The following FER1L5 variants were observed in gnomAD, a reference collection of about 807,000 sequenced individuals.
The protein encoded by FER1L5 is fer-1 like family member 5, also known as fer-1-like protein 5.
A neutral mutation model predicts 279.9 loss-of-function variants in FER1L5; 187 were observed. The ratio of observed to expected loss-of-function variants is 0.67; its 90% confidence interval spans 0.59 to 0.75. The LOEUF is 0.75. Among genes scored for constraint, FER1L5 ranks in the 30% least tolerant of loss-of-function variants. The pLI is 0.00. For synonymous variants in FER1L5, 921 were observed against 989.7 expected, an observed-to-expected ratio of 0.93 and a Z score of 1.30; for missense variants, 2,091 against 2,594.4, an observed-to-expected ratio of 0.81 and a Z score of 4.21.
rs1223455449 is a variant in FER1L5, at chr2:96,702,983, C to G, written c.5403C>G (p.Tyr1801Ter). 1 of 1,611,506 alleles carries G rather than the reference C, an allele frequency of 6.2e-7. No individual in the cohort carries two copies. The highest frequency in any genetic ancestry group is 8.5e-7 in the Non-Finnish European group (1 of 1,178,884). The change falls in exon 49 of 53, where the codon TAC becomes TAG. Residue 1801 changes from tyrosine to a stop codon, truncating the protein, a stop_gained. Coordinates refer to ENST00000624922, the MANE Select transcript of FER1L5 (RefSeq NM_001293083.2). LOFTEE classifies it high-confidence loss of function. The surrounding 1 kb of genome is among the most constrained non-coding windows in gnomAD (Gnocchi z 4.0). Reference sequence around the variant, plus strand: ...CCCTTCCGCCATTTCCCCAGGATTACATATGGAGCCTGGATGCCACGTCCA... The same window carrying G: ...CCCTTCCGCCATTTCCCCAGGATTAGATATGGAGCCTGGATGCCACGTCCA... Reference protein sequence around the residue: ...ERTCVQSQKDYIWSLDATSMK... With the variant: ...ERTCVQSQKD
In FER1L5 at chr2:96,702,209, A is replaced by G; in HGVS notation, c.5160-97A>G. 1 of 1,567,718 alleles carries G rather than the reference A, an allele frequency of 6.4e-7. No individual in the cohort carries two copies. The highest frequency in any genetic ancestry group is 1.2e-5 in the South Asian group (1 of 86,494). ...TCCCCTGAATTCCCCACACTGAGCA[A>G]AAACACACAGGGCAGCCTCCCAGGC... On this transcript the variant is annotated intron_variant, in intron 46 of 52. Transcript: ENST00000624922. The surrounding 1 kb of genome is among the most constrained non-coding windows in gnomAD (Gnocchi z 4.0).
At chr2:96,646,223 C>A (rs2106413150) in intron 1 of FER1L5, among the ~76,000 whole-genome samples, 178 bp from the exon 2 acceptor site, 1 of 152,242 alleles carries the variant, frequency 6.6e-6, no homozygotes, top group East Asian at 1.9e-4. Context: ...TGGTCCTGAT[C>A]TCCTGACCTC....
At chr2:96,643,003 C>T in intron 1 of FER1L5, 82 bp downstream of exon 1, 1 of 1,207,664 alleles carries the variant, frequency 8.3e-7, no homozygotes, top group Non-Finnish European at 1.1e-6. Flanking sequence ...GTGTATGGCA[C>T]CCCACTACAT....
In FER1L5 at chr2:96,696,082, G is replaced by A; in HGVS notation, c.4083+5G>A. 1 of 1,613,806 alleles carries A rather than the reference G, an allele frequency of 6.2e-7. No individual in the cohort carries two copies. Among genetic ancestry groups the A allele is most frequent in the Non-Finnish European group, 8.5e-7 (1 of 1,179,890 alleles). ...TCTGAGAAGAAGCACCAAGACGTAA[G>A]TAAGGGCTGCAGGCCCACCTTCTCC... On this transcript the variant is annotated splice_donor_5th_base_variant and intron_variant, in intron 37 of 52. Coordinates refer to ENST00000624922, the MANE Select transcript of FER1L5 (RefSeq NM_001293083.2).
intron 14 of FER1L5, among the ~76,000 whole-genome samples, chr2:96,665,673 C>T (rs1173603187): frequency 3.3e-5 from 5 of 151,460 alleles, no homozygotes; most frequent in African/African-American, 1.2e-4. Context: ...GGCGCGATCT[C>T]GGCTCACTGC....
rs953964974 is a variant in FER1L5 at position 96,686,365 on chromosome 2, C to A, written c.2229+15C>A. On this transcript the variant is annotated intron_variant, in intron 23 of 52. Transcript: ENST00000624922. The stretch of plus-strand genomic sequence containing the variant: ...TCTTCCTACAGGTGGGAATCAGGGA[C>A]TCCTCAGGGGAGGACAGGGCTGAGA... 6.5e-7 allele frequency: 1 copy of A among 1,548,372 alleles called. No homozygotes were observed.
intron 43 of FER1L5, 67 bp downstream of exon 43, chr2:96,699,787 G>T: frequency 6.3e-7 from 1 of 1,594,590 alleles, no homozygotes; most frequent in South Asian, 1.1e-5. Flanking sequence ...CAGCTCCCTT[G>T]GGAGAAGCCT....
chr2:96,690,717 T>G, intron 27 of FER1L5, 128 bp downstream of exon 27: 2 of 783,746 alleles, frequency 2.6e-6, no homozygotes, highest in South Asian at 3.5e-5. Flanking sequence ...CCCCCTGGCC[T>G]CCAGAGCTGG....
chr2:96,663,864 C>T lies in FER1L5; in HGVS notation c.1140+357C>T, dbSNP rs896136747. ...TTGAGACCAGCCTGGACAACAGTGG[C>T]GAAACCAGACTCTACTAAAAAGATA... On this transcript the variant is annotated intron_variant, in intron 14 of 52. Transcript: ENST00000624922. 4.6e-5 allele frequency among the ~76,000 whole-genome samples: 7 copies of T among 151,948 alleles called. No homozygotes were observed. In the South Asian group the frequency reaches 8.3e-4, roughly 18 times the overall value.
In FER1L5 at chr2:96,698,284, G is replaced by A. The variant is rs1168760597; in HGVS notation, c.4356+128G>A. ...AGCAGGGCTTGAGAACGTTCTGGGA[G>A]TGGAGGAGCAGAGATTCGCCTCCAC... is the stretch of plus-strand genomic sequence containing the variant. On this transcript the variant is annotated intron_variant, in intron 40 of 52. Coordinates refer to ENST00000624922, the MANE Select transcript of FER1L5 (RefSeq NM_001293083.2). This position sits in a 1 kb window ranked among gnomAD's most constrained non-coding sequence, Gnocchi z 5.5. 5 of 1,362,688 alleles carry A rather than the reference G, an allele frequency of 3.7e-6. No individual in the cohort carries two copies. The highest frequency in any genetic ancestry group is 4.9e-6 in the Non-Finnish European group (5 of 1,022,930). 84.4% of individuals were successfully genotyped at this position (1,362,688 alleles called of 1,614,324 possible). A position where few individuals can be genotyped will look rare whatever the true frequency, so the allele number is the denominator to read the frequency against.
At chr2:96,684,721 C>T (rs1332129211) in intron 20 of FER1L5, among the ~76,000 whole-genome samples, 1 of 152,036 alleles carries the variant, frequency 6.6e-6, no homozygotes, top group South Asian at 2.1e-4. Flanking sequence ...GATGCAGGTA[C>T]CAGGTGCTAT....
intron 7 of FER1L5, 177 bp downstream of exon 7, chr2:96,652,197 C>T: frequency 1.1e-6 from 1 of 876,222 alleles, no homozygotes; most frequent in South Asian, 1.8e-5. Flanking sequence ...ACTCAGAGCC[C>T]TGTATCTGAG....
chr2:96,671,689 G>A (rs572261097), intron 18 of FER1L5, among the ~76,000 whole-genome samples: 5 of 152,220 alleles, frequency 3.3e-5, no homozygotes, highest in African/African-American at 9.6e-5. Flanking sequence ...TGAAAGGAGA[G>A]GGAAGCTATG....
intron 9 of FER1L5, among the ~76,000 whole-genome samples, chr2:96,657,149 A>G (rs1230050097): frequency 6.6e-6 from 1 of 151,234 alleles, no homozygotes; most frequent in Non-Finnish European, 1.5e-5. Flanking sequence ...ATCTTGGCTC[A>G]TGCATCCTCT....
chr2:96,691,118 C>T lies in FER1L5; in HGVS notation c.2744-72C>T. The stretch of plus-strand genomic sequence containing the variant: ...GAAGTAATGCCCCTCTAGGGCCTGT[C>T]TCCCGGGTTTGTCCAGGCCTCCCAA... On this transcript the variant is annotated intron_variant, in intron 27 of 52. Transcript: ENST00000624922. This position sits in a 1 kb window ranked among gnomAD's most constrained non-coding sequence, Gnocchi z 6.0. The T allele has an allele frequency of 1.6e-5, 23 of 1,471,030 alleles. No homozygotes were observed. Among genetic ancestry groups the T allele is most frequent in the Non-Finnish European group, 2.1e-5 (23 of 1,103,416 alleles). The allele number at this position is 1,471,030 out of a possible 1,614,324, so 91.1% of individuals were successfully genotyped here.
At position 96,700,324 on chromosome 2, in the gene FER1L5, C is replaced by T; in HGVS notation, c.4931-8C>T. On this transcript the variant is annotated splice_polypyrimidine_tract_variant and splice_region_variant and intron_variant, in intron 44 of 52. Transcript: ENST00000624922. ...GCAATCCCCTCCTTCCATCCCCCTC[C>T]AATCCAGAGCCCAAAACCCCTACTG... 2 of 1,612,358 alleles carry T rather than the reference C, an allele frequency of 1.2e-6. No homozygotes were observed. The highest frequency in any genetic ancestry group is 1.1e-5 in the South Asian group (1 of 91,076).
chr2:96,680,093 G>T (rs2076663780), intron 19 of FER1L5, among the ~76,000 whole-genome samples: 1 of 152,004 alleles, frequency 6.6e-6, no homozygotes, highest in Non-Finnish European at 1.5e-5. Flanking sequence ...TTCACCCCTT[G>T]GCTTCGGTGG....
rs1380107066 is a variant in FER1L5 at position 96,663,442 on chromosome 2, A to G, written c.1075A>G (p.Arg359Gly). ...ACACTGCTTTGGGACATTCCAGCTC[A>G]GGACACACATGCAGACCCAAACCGA... ...LEVELIGEKLRTHMQTQTDNP... is the reference protein window; with the variant it reads ...LEVELIGEKLGTHMQTQTDNP... The change falls in exon 14 of 53, where the codon AGG becomes GGG. Residue 359 changes from arginine to glycine, a missense_variant. Transcript: ENST00000624922. 6.4e-7 allele frequency: 1 copy of G among 1,551,562 alleles called. No individual in the cohort carries two copies. The highest frequency in any genetic ancestry group is 1.4e-5 in the African/African-American group (1 of 73,028).
Position 96,689,480 on chromosome 2 carries a change from C to G in FER1L5, c.2525+104C>G, listed in dbSNP as rs2077058663. The G allele has an allele frequency of 6.6e-7, 1 of 1,507,532 alleles. No individual in the cohort carries two copies. Among genetic ancestry groups the G allele is most frequent in the African/African-American group, 1.4e-5 (1 of 71,260 alleles). The allele number at this position is 1,507,532 out of a possible 1,614,324, so 93.4% of individuals were successfully genotyped here. A position where few individuals can be genotyped will look rare whatever the true frequency, so the allele number is the denominator to read the frequency against. On this transcript the variant is annotated intron_variant, in intron 25 of 52. Coordinates refer to ENST00000624922, the MANE Select transcript of FER1L5 (RefSeq NM_001293083.2). The surrounding 1 kb of genome is among the most constrained non-coding windows in gnomAD (Gnocchi z 4.6). ...GGTACCTAGCCCCTAAGCCTGGTGC[C>G]AGAGGGCCGAGGTGCACCAGGCCAA... is the stretch of plus-strand genomic sequence containing the variant.
Sources: allele counts gnomAD v4.1 joint callset (sites outside exome capture counted in the v4.1 genomes callset), GRCh38; gene constraint gnomAD v4.1.1; non-coding constraint Gnocchi (gnomAD v3.1); transcripts MANE v1.5; gene names NCBI Gene and HGNC (gene_info 2026-07-23, HGNC 2026-07-21).